HELZ: variants seen among roughly 807,000 people sequenced by gnomAD.
The protein encoded by HELZ is ATP-dependent RNA helicase with zinc finger domain.
A neutral mutation model predicts 218.2 loss-of-function variants in HELZ; 23 were observed. The ratio of observed to expected loss-of-function variants is 0.11; its 90% CI spans 0.08 to 0.15. HELZ has a LOEUF of 0.15. HELZ is among the 10% of genes least tolerant of loss of function. HELZ has a pLI of 1.00. For missense variants in HELZ, 1,813 were observed against 2,353.7 expected (o/e 0.77, Z 4.75); for synonymous variants, 814 against 829.4 (o/e 0.98, Z 0.32).
chr17:67,073,331 C>T lies in HELZ; in HGVS notation c.*4921G>A, dbSNP rs1336194105. ...GAGGTAGAAACAGTTAAAAAGACTC[C>T]CCACGAACATAATGAAAATTTCATA... is the stretch of plus-strand genomic sequence containing the variant. On this transcript the variant is annotated 3_prime_UTR_variant, in exon 33 of 33. Coordinates refer to ENST00000358691, the MANE Select transcript of HELZ (RefSeq NM_014877.4). The T allele has an allele frequency of 6.6e-6, 1 of 152,468 alleles. No individual in the cohort carries two copies. Among genetic ancestry groups the T allele is most frequent in the Non-Finnish European group, 1.5e-5 (1 of 68,006 alleles). 9.4% of individuals were successfully genotyped at this position (152,468 alleles called of 1,614,324 possible).
chr17:67,152,882 G>A (rs1253484422), intron 17 of HELZ, among the ~76,000 whole-genome samples: 2 of 151,964 alleles, frequency 1.3e-5, no homozygotes, highest in Non-Finnish European at 2.9e-5. Flanking sequence ...GAGAATTCAG[G>A]AGAGCATGGG....
In HELZ at chr17:67,115,900, T is replaced by C. The variant is rs369995100; in HGVS notation, c.3839-1497A>G. Among the ~76,000 whole-genome samples the C allele has an allele frequency of 6.6e-5, 10 of 152,184 alleles. No homozygotes were observed. In the East Asian group the frequency reaches 1.4e-3, roughly 21 times the overall value. ...ATTACTAGAAATGGTAACACATGGGTAAATACTTAAGACTATTTTTCTTAT... is the reference window on the plus strand; with the variant it reads ...ATTACTAGAAATGGTAACACATGGGCAAATACTTAAGACTATTTTTCTTAT... On this transcript the variant is annotated intron_variant, in intron 27 of 32. Transcript: ENST00000358691.
intron 21 of HELZ, among the ~76,000 whole-genome samples, chr17:67,141,678 T>C (rs1456694498): frequency 1.3e-5 from 2 of 151,964 alleles, no homozygotes; most frequent in Non-Finnish European, 1.5e-5. Context: ...TAGATTCTGA[T>C]AAATTAAGAT....
Position 67,225,097 on chromosome 17 carries a change from C to CAT in HELZ, c.-18-6277_-18-6276dup, listed in dbSNP as rs376297125. 139 of 489,188 alleles carry CAT rather than the reference C, an allele frequency of 2.8e-4. 1 individual carries two copies. The highest frequency in any genetic ancestry group is 1.7e-3 in the South Asian group (87 of 50,492). 30.3% of individuals were successfully genotyped at this position (489,188 alleles called of 1,614,324 possible). A position where few individuals can be genotyped will look rare whatever the true frequency, so the allele number is the denominator to read the frequency against. On this transcript the variant is annotated intron_variant, in intron 3 of 32. Coordinates refer to ENST00000358691, the MANE Select transcript of HELZ (RefSeq NM_014877.4). ...TCTTGAGTTTATGTTTAAAAAATTA[C>CAT]ATATATATATAAGCCCAAAGCATTT...
intron 31 of HELZ, among the ~76,000 whole-genome samples, chr17:67,104,532 G>T (rs949479113): frequency 2.0e-5 from 3 of 150,524 alleles, no homozygotes; most frequent in African/African-American, 7.3e-5. Flanking sequence ...GACACCAAAA[G>T]CATAAGCAGC....
chr17:67,234,832 C>A (rs529149762), intron 3 of HELZ, among the ~76,000 whole-genome samples: 2 of 152,168 alleles, frequency 1.3e-5, no homozygotes, highest in East Asian at 3.9e-4. Flanking sequence ...TCTGACATAA[C>A]CCCCAGACTT....
intron 3 of HELZ, among the ~76,000 whole-genome samples, chr17:67,222,495 A>C (rs1360776156): frequency 6.6e-6 from 1 of 152,148 alleles, no homozygotes; most frequent in Non-Finnish European, 1.5e-5. Context: ...AAATGACTCA[A>C]TTTACGACCC....
rs2039818084 is a variant in HELZ, at chr17:67,188,569, A to C, written c.912T>G (p.Arg304=). Residue 304 remains arginine (R), a synonymous_variant, in exon 12 of 33, where the codon CGT becomes CGG. Transcript: ENST00000358691. This position sits in a 1 kb window ranked among gnomAD's most constrained non-coding sequence, Gnocchi z 4.1. ...ATATTGCAATGATACTAAAATGAGG[A>C]CGATGAGCATCATAAAGCAATGCTA... ...YRVALLYDAH[R]PHFSIIAISA... is the part of the protein sequence containing the mutation. 3.7e-6 allele frequency: 6 copies of C among 1,613,834 alleles called. No individual in the cohort carries two copies. The East Asian group carries it at 1.3e-4, about 36-fold the overall frequency.
intron 5 of HELZ, among the ~76,000 whole-genome samples, chr17:67,207,649 T>C (rs1016320333): frequency 6.6e-6 from 1 of 152,242 alleles, no homozygotes; most frequent in Non-Finnish European, 1.5e-5. Context: ...CTAAATCCTT[T>C]AGTCAGTAAT....
intron 21 of HELZ, among the ~76,000 whole-genome samples, chr17:67,138,885 T>C (rs780823666): frequency 6.6e-6 from 1 of 152,088 alleles, no homozygotes; most frequent in Non-Finnish European, 1.5e-5. Flanking sequence ...GTGGAGAAGG[T>C]ACAAAAGTTA....
At chr17:67,132,587 C>A (rs2038022016) in intron 23 of HELZ, among the ~76,000 whole-genome samples, 1 of 152,106 alleles carries the variant, frequency 6.6e-6, no homozygotes, top group Non-Finnish European at 1.5e-5. Context: ...AAATAAAATA[C>A]CCACATTATA....
At chr17:67,134,757 A>C (rs1377421495) in intron 23 of HELZ, among the ~76,000 whole-genome samples, 1 of 152,122 alleles carries the variant, frequency 6.6e-6, no homozygotes, top group Non-Finnish European at 1.5e-5. Context: ...AGAAAAAAAA[A>C]CCTGATTTAA....
chr17:67,111,464 C>T (rs200503022), intron 28 of HELZ, among the ~76,000 whole-genome samples: 1 of 152,186 alleles, frequency 6.6e-6, no homozygotes, highest in East Asian at 1.9e-4. Flanking sequence ...TTGCAGAGCA[C>T]TTGCCTCACC....
chr17:67,127,971 C>T (rs2037855574), intron 24 of HELZ, among the ~76,000 whole-genome samples: 2 of 151,968 alleles, frequency 1.3e-5, no homozygotes, highest in South Asian at 4.1e-4. Context: ...AAATACTAAA[C>T]ATGCCAGTCT....
chr17:67,204,498 G>C (rs1325120977), intron 5 of HELZ, among the ~76,000 whole-genome samples: 2 of 152,078 alleles, frequency 1.3e-5, no homozygotes, highest in Non-Finnish European at 2.9e-5. Flanking sequence ...CATGTGATCA[G>C]AGTGCTTATA....
At chr17:67,094,402 AG>A (rs1464752222) in intron 31 of HELZ, among the ~76,000 whole-genome samples, 2 of 151,838 alleles carry the variant, frequency 1.3e-5, no homozygotes, top group Non-Finnish European at 2.9e-5. Flanking sequence ...AGAGAGAGAG[AG>A]AGAGATACAG....
intron 24 of HELZ, among the ~76,000 whole-genome samples, chr17:67,125,240 G>C (rs1455268351): frequency 7.6e-6 from 1 of 131,882 alleles, no homozygotes; most frequent in African/African-American, 3.0e-5. Context: ...ATCATAGTTG[G>C]TCCATTAACC....
chr17:67,158,935 C>G (rs181062967), intron 17 of HELZ, among the ~76,000 whole-genome samples: 11 of 152,180 alleles, frequency 7.2e-5, no homozygotes, highest in African/African-American at 2.6e-4. Context: ...CTAAGTCGAC[C>G]GAGATTTGAG....
chr17:67,144,935 G>A (rs1429448953), intron 21 of HELZ, among the ~76,000 whole-genome samples: 1 of 152,180 alleles, frequency 6.6e-6, no homozygotes, highest in Non-Finnish European at 1.5e-5. Context: ...TATCAAGTGA[G>A]TACTGATGAT....
Sources: gnomAD v4.1 joint callset for allele counts (sites outside exome capture counted in the v4.1 genomes callset) on GRCh38, gnomAD v4.1.1 for gene constraint, Gnocchi (gnomAD v3.1) non-coding constraint, MANE v1.5 for transcripts, NCBI Gene and HGNC (gene_info 2026-07-23, HGNC 2026-07-21) for gene names.